PPFIA1: variants seen among roughly 807,000 people sequenced by gnomAD.
PPFIA1 encodes PPFI scaffold protein A1.
PPFIA1 carries 25 observed loss-of-function variants against 149.9 expected under a neutral mutation model. The ratio of observed to expected loss-of-function variants is 0.17; its 90% confidence interval spans 0.12 to 0.23. The LOEUF is 0.23. PPFIA1 is among the 10% of genes least tolerant of loss of function. The probability of loss-of-function intolerance (pLI) is 1.00; values close to 1 mark genes in which losing one functional copy is unlikely to be tolerated. For missense variants in PPFIA1, 1,362 were observed against 1,506.5 expected, an observed-to-expected ratio of 0.90 and a Z score of 1.59; for synonymous variants, 549 against 552.8, an observed-to-expected ratio of 0.99 and a Z score of 0.10.
At chr11:70,338,276 C>T in intron 12 of PPFIA1, 98 bp from the exon 13 acceptor site, 1 of 948,762 alleles carries the variant, frequency 1.1e-6, no homozygotes, top group South Asian at 1.5e-5. Context: ...GCTGATTTAA[C>T]CTGTTAGGGT....
At chr11:70,351,046 A>G (rs1374623107) in intron 16 of PPFIA1, 3 of 1,182,076 alleles carry the variant, frequency 2.5e-6, no homozygotes, top group African/African-American at 3.2e-5. Flanking sequence ...GTAATTTAAC[A>G]TATCTTTGTA....
intron 2 of PPFIA1, among the ~76,000 whole-genome samples, chr11:70,295,464 G>T (rs1283598503): frequency 7.0e-6 from 1 of 143,754 alleles, no homozygotes; most frequent in South Asian, 2.2e-4. Flanking sequence ...GCCGGGCAGA[G>T]GCGCCCCTCA....
At chr11:70,303,487 C>G (rs887591754) in intron 2 of PPFIA1, among the ~76,000 whole-genome samples, 1 of 152,190 alleles carries the variant, frequency 6.6e-6, no homozygotes, top group Non-Finnish European at 1.5e-5. Flanking sequence ...TGTGCATACC[C>G]TAAGGTTTTT....
chr11:70,297,425 A>C (rs1007765897), intron 2 of PPFIA1, among the ~76,000 whole-genome samples: 1 of 152,154 alleles, frequency 6.6e-6, no homozygotes, highest in Non-Finnish European at 1.5e-5. Context: ...AAAAAAAGAA[A>C]AAATGAAAAA....
chr11:70,351,104 G>C lies in PPFIA1; in HGVS notation c.2163+2684G>C, dbSNP rs888111125. On this transcript the variant is annotated intron_variant, in intron 16 of 27. Transcript: ENST00000253925. ...ACCTATCATATTTTCCATAAATGTA[G>C]CATTATGTAGTTGTATAATAATGAA... 2.0e-5 allele frequency: 15 copies of C among 750,498 alleles called. No homozygotes were observed. The African/African-American group carries it at 2.8e-4, about 14-fold the overall frequency. The allele number at this position is 750,498 out of a possible 1,614,324, so 46.5% of individuals were successfully genotyped here. A position where few individuals can be genotyped will look rare whatever the true frequency, so the allele number is the denominator to read the frequency against.
At chr11:70,358,811 T>C (rs963058941) in intron 19 of PPFIA1, 1 of 152,222 alleles carries the variant, frequency 6.6e-6, no homozygotes, top group Non-Finnish European at 1.5e-5. Context: ...CTGGGATACG[T>C]AGTAATGAAC....
chr11:70,348,493 A>G (rs1044964327), intron 16 of PPFIA1, 73 bp downstream of exon 16: 1 of 1,215,992 alleles, frequency 8.2e-7, no homozygotes, highest in Non-Finnish European at 1.2e-6. Flanking sequence ...CTACAAATCT[A>G]CCCACAAGAA....
At chr11:70,357,334 C>T (rs1234313977) in intron 19 of PPFIA1, among the ~76,000 whole-genome samples, 2 of 152,162 alleles carry the variant, frequency 1.3e-5, no homozygotes, top group Non-Finnish European at 2.9e-5. Flanking sequence ...GGGACCCTCT[C>T]CCCTAGAGGC....
intron 21 of PPFIA1, among the ~76,000 whole-genome samples, chr11:70,371,137 A>G (rs1387060972): frequency 6.6e-6 from 1 of 152,092 alleles, no homozygotes; most frequent in Non-Finnish European, 1.5e-5. Flanking sequence ...TCCCCTTGTA[A>G]TTTCTTGCTG....
chr11:70,354,151 C>G (rs1174779982), intron 16 of PPFIA1, 150 bp from the exon 17 acceptor site: 5 of 770,992 alleles, frequency 6.5e-6, no homozygotes, highest in Non-Finnish European at 1.0e-5. Flanking sequence ...GCTGCGTGGC[C>G]CTTCAGAATG....
chr11:70,322,836 C>A (rs940058643), intron 2 of PPFIA1, among the ~76,000 whole-genome samples: 2 of 152,166 alleles, frequency 1.3e-5, no homozygotes, highest in East Asian at 3.9e-4. Context: ...TCCCCACCCC[C>A]GCTGTGTTCA....
At chr11:70,315,963 G>GAGGTCTAGA (rs1198739526) in intron 2 of PPFIA1, among the ~76,000 whole-genome samples, 2 of 151,900 alleles carry the variant, frequency 1.3e-5, no homozygotes, top group African/African-American at 4.8e-5. Context: ...TCATATAAGT[G>GAGGTCTAGA]GAATTCTACA....
In PPFIA1 at chr11:70,324,434, A is replaced by G; in HGVS notation, c.297A>G (p.Val99=). 1.9e-6 allele frequency: 3 copies of G among 1,613,606 alleles called. No individual in the cohort carries two copies. Among genetic ancestry groups the G allele is most frequent in the African/African-American group, 1.3e-5 (1 of 75,028 alleles). ...EFAALTKELN[V]CREQLLEREE... is the part of the protein sequence containing the mutation. ...CAGCACTTACTAAAGAACTCAATGT[A>G]TGCAGGGAACAGCTCCTTGAAAGGG... Residue 99 remains valine (V), a synonymous_variant, in exon 3 of 28, where the codon GTA becomes GTG. Coordinates refer to ENST00000253925, the MANE Select transcript of PPFIA1 (RefSeq NM_003626.5).
chr11:70,310,444 G>A (rs2053186026), intron 2 of PPFIA1, among the ~76,000 whole-genome samples: 2 of 150,450 alleles, frequency 1.3e-5, no homozygotes, highest in African/African-American at 4.9e-5. Context: ...GGAGGGCAGT[G>A]GGGCAATCTT....
At chr11:70,344,631 C>A (rs1056948010) in intron 15 of PPFIA1, among the ~76,000 whole-genome samples, 4 of 152,232 alleles carry the variant, frequency 2.6e-5, no homozygotes, top group Non-Finnish European at 5.9e-5. Context: ...TTGGTCTGTT[C>A]AGCAGCGTTT....
At chr11:70,363,477 TC>T (rs1210301250) in intron 21 of PPFIA1, 1 of 152,252 alleles carries the variant, frequency 6.6e-6, no homozygotes, top group Non-Finnish European at 1.5e-5. Flanking sequence ...GACTGGCTCT[TC>T]CAGGCTTCTT....
At chr11:70,328,299 G>T (rs750163677) in intron 7 of PPFIA1, among the ~76,000 whole-genome samples, 1 of 152,020 alleles carries the variant, frequency 6.6e-6, no homozygotes, top group Non-Finnish European at 1.5e-5. Flanking sequence ...GTTCTCATCA[G>T]TTAGCTCCCA....
rs368851728 is a variant in PPFIA1, at chr11:70,283,998, G to A, written c.264+11562G>A. On this transcript the variant is annotated intron_variant, in intron 2 of 27. Transcript: ENST00000253925. ...GTTAGGTTGGTGCAAAAGTACTTGC[G>A]GATTTTGCTTTACTTTTAATGGCAA... The A allele has an allele frequency of 1.6e-3, 852 of 533,398 alleles. 8 individuals carry two copies. Among genetic ancestry groups the A allele is most frequent in the South Asian group, 0.011 (807 of 71,168 alleles). The allele number at this position is 533,398 out of a possible 1,614,324, so 33.0% of individuals were successfully genotyped here. A position where few individuals can be genotyped will look rare whatever the true frequency, so the allele number is the denominator to read the frequency against.
chr11:70,351,652 G>A (rs2056061365), intron 16 of PPFIA1, among the ~76,000 whole-genome samples: 2 of 152,078 alleles, frequency 1.3e-5, no homozygotes, highest in African/African-American at 4.8e-5. Context: ...CAGATTTTTG[G>A]GTTTGGGATG....
Sources: allele counts gnomAD v4.1 joint callset (sites outside exome capture counted in the v4.1 genomes callset), GRCh38; gene constraint gnomAD v4.1.1; transcripts MANE v1.5; gene names NCBI Gene and HGNC (gene_info 2026-07-23, HGNC 2026-07-21).